ITGA9: variants seen among roughly 807,000 people sequenced by gnomAD.
ITGA9 encodes the protein integrin subunit alpha 9.
ITGA9 carries 56 observed loss-of-function variants against 127.8 expected under a neutral mutation model. The ratio of observed to expected loss-of-function variants is 0.44; its 90% CI spans 0.35 to 0.55. The LOEUF (loss-of-function observed/expected upper bound fraction) is 0.55, where lower values mean the gene tolerates loss of function less well. Ranked by LOEUF, ITGA9 falls within the 20% of genes least tolerant of loss-of-function variation. ITGA9 has a pLI of 0.00. For synonymous variants in ITGA9, 508 were observed against 514.5 expected (o/e 0.99, Z 0.17); for missense variants, 1,196 against 1,347.1 (o/e 0.89, Z 1.76).
chr3:37,757,841 C>T (rs1162088160), intron 23 of ITGA9, among the ~76,000 whole-genome samples: 1 of 151,636 alleles, frequency 6.6e-6, no homozygotes, highest in African/African-American at 2.4e-5. Context: ...AGTAGGCTTT[C>T]AAGGAATGGA....
intron 3 of ITGA9, among the ~76,000 whole-genome samples, chr3:37,475,422 A>C (rs746874029): frequency 4.6e-5 from 7 of 152,352 alleles, no homozygotes; most frequent in Non-Finnish European, 1.0e-4. Flanking sequence ...CAGAGGGGCA[A>C]GACAGAATTC....
chr3:37,637,962 C>T lies in ITGA9; in HGVS notation c.1839+8626C>T, dbSNP rs573626196. Among the ~76,000 whole-genome samples the T allele has an allele frequency of 1.7e-4, 26 of 152,264 alleles. No individual in the cohort carries two copies. The South Asian group carries it at 5.2e-3, about 30-fold the overall frequency. The stretch of plus-strand genomic sequence containing the variant: ...TGTTGGGATTACAGGTGTGAGCCAC[C>T]GTGCCCGGCCAGCAATCCGTGTTTT... On this transcript the variant is annotated intron_variant, in intron 16 of 27. Transcript: ENST00000264741.
intron 17 of ITGA9, among the ~76,000 whole-genome samples, chr3:37,659,127 A>G (rs146002225): frequency 2.5e-3 from 373 of 152,042 alleles, no homozygotes; most frequent in African/African-American, 8.4e-3. Context: ...CTTCATTTCA[A>G]CCTTGGTGAA....
chr3:37,552,374 T>C (rs1011721481), intron 15 of ITGA9, among the ~76,000 whole-genome samples: 5 of 143,598 alleles, frequency 3.5e-5, no homozygotes, highest in Non-Finnish European at 1.5e-5. Context: ...TACCAGCAAA[T>C]TATTATTTAT....
Position 37,750,617 on chromosome 3 carries a change from C to G in ITGA9, c.2541+48C>G, listed in dbSNP as rs1487655341. On this transcript the variant is annotated intron_variant, in intron 23 of 27. Coordinates refer to ENST00000264741, the MANE Select transcript of ITGA9 (RefSeq NM_002207.3). Reference sequence around the variant, plus strand: ...CTATTGCTTTCAGCTTTGAGCCAGCCCATTCAAATTTTGTATTCCACCCTA... The same window carrying G: ...CTATTGCTTTCAGCTTTGAGCCAGCGCATTCAAATTTTGTATTCCACCCTA... The G allele has an allele frequency of 4.4e-6, 6 of 1,368,542 alleles. No homozygotes were observed. In the Admixed American group the frequency reaches 1.0e-4, roughly 23 times the overall value. The allele number at this position is 1,368,542 out of a possible 1,614,324, so 84.8% of individuals were successfully genotyped here. A position where few individuals can be genotyped will look rare whatever the true frequency, so the allele number is the denominator to read the frequency against.
At chr3:37,630,295 C>CCT (rs1460773322) in intron 16 of ITGA9, among the ~76,000 whole-genome samples, 7 of 152,098 alleles carry the variant, frequency 4.6e-5, no homozygotes, top group Non-Finnish European at 5.9e-5. Flanking sequence ...TCTCCCAAAG[C>CCT]CTCTTTCCCA....
chr3:37,695,530 A>G (rs903874182), intron 18 of ITGA9, among the ~76,000 whole-genome samples: 1 of 152,214 alleles, frequency 6.6e-6, no homozygotes, highest in South Asian at 2.1e-4. Context: ...TGCCCGTGGA[A>G]TTTAACAGAG....
rs183157333 is a variant in ITGA9, at chr3:37,610,577, C to T, written c.1690-18610C>T. On this transcript the variant is annotated intron_variant, in intron 15 of 27. Coordinates refer to ENST00000264741, the MANE Select transcript of ITGA9 (RefSeq NM_002207.3). Reference sequence around the variant, plus strand: ...AGTATAGACTTAGTTTGTCTGAGCCCGAGGTTCAGTGTTTGGAGAAAAATA... The same window carrying T: ...AGTATAGACTTAGTTTGTCTGAGCCTGAGGTTCAGTGTTTGGAGAAAAATA... Among the ~76,000 whole-genome samples the T allele has an allele frequency of 2.7e-3, 408 of 152,204 alleles. 2 individuals are homozygous for T. The highest frequency in any genetic ancestry group is 3.6e-3 in the Non-Finnish European group (246 of 68,036).
At position 37,765,018 on chromosome 3, in the gene ITGA9, T is replaced by G. The variant is rs146748776; in HGVS notation, c.2542-12374T>G. On this transcript the variant is annotated intron_variant, in intron 23 of 27. Transcript: ENST00000264741. ...TATCATCAGTCTTCTTCCACCAGATTAAAAACACCATGAGAGTAAAGGGCA... is the reference window on the plus strand; with the variant it reads ...TATCATCAGTCTTCTTCCACCAGATGAAAAACACCATGAGAGTAAAGGGCA... Among the ~76,000 whole-genome samples, 1,485 of 152,306 alleles carry G rather than the reference T, an allele frequency of 9.8e-3. 15 individuals are homozygous for G. Among genetic ancestry groups the G allele is most frequent in the Non-Finnish European group, 0.016 (1,090 of 68,022 alleles).
chr3:37,452,440 C>A lies in ITGA9; in HGVS notation c.66C>A (p.Val22=). ...RLRALLLALV[V]AGIPAGAYNL... ...GCGCGCTGCTGCTGGCGCTGGTGGT[C>A]GCGGGGATCCCCGCGGGCGCCTACA... Residue 22 remains valine, a synonymous_variant, in exon 1 of 28, where the codon GTC becomes GTA. Transcript: ENST00000264741. This position sits in a 1 kb window ranked among gnomAD's most constrained non-coding sequence, Gnocchi z 7.3. 1 of 1,473,226 alleles carries A rather than the reference C, an allele frequency of 6.8e-7. No individual in the cohort carries two copies. The highest frequency in any genetic ancestry group is 1.3e-5 in the South Asian group (1 of 77,954). 91.3% of individuals were successfully genotyped at this position (1,473,226 alleles called of 1,614,324 possible).
chr3:37,699,986 TTTG>T (rs1700928261), intron 18 of ITGA9, among the ~76,000 whole-genome samples: 1 of 152,228 alleles, frequency 6.6e-6, no homozygotes, highest in Non-Finnish European at 1.5e-5. Context: ...ATACTATTTT[TTTG>T]TTTTGTTTTC....
At chr3:37,722,685 A>T (rs1272058525) in intron 18 of ITGA9, among the ~76,000 whole-genome samples, 1 of 152,200 alleles carries the variant, frequency 6.6e-6, no homozygotes, top group Non-Finnish European at 1.5e-5. Flanking sequence ...ATTCCATTGT[A>T]TGGATATACC....
At chr3:37,656,858 T>C (rs1347845201) in intron 17 of ITGA9, among the ~76,000 whole-genome samples, 2 of 152,066 alleles carry the variant, frequency 1.3e-5, no homozygotes, top group African/African-American at 4.8e-5. Flanking sequence ...TTTTGAGATA[T>C]GTTCCATCAA....
intron 27 of ITGA9, chr3:37,807,356 T>C (rs1697311481): frequency 6.6e-6 from 1 of 152,182 alleles, no homozygotes; most frequent in Non-Finnish European, 1.5e-5. Flanking sequence ...ACCTTTAGTG[T>C]GGTTTGAGTT....
intron 15 of ITGA9, among the ~76,000 whole-genome samples, chr3:37,624,736 A>G (rs922024282): frequency 6.6e-6 from 1 of 152,042 alleles, no homozygotes; most frequent in Admixed American, 6.5e-5. Flanking sequence ...CCTCCTGAGT[A>G]GCTGGGATTA....
intron 16 of ITGA9, among the ~76,000 whole-genome samples, 154 bp from the exon 17 acceptor site, chr3:37,653,560 C>A (rs958774374): frequency 1.3e-5 from 2 of 152,158 alleles, no homozygotes; most frequent in African/African-American, 4.8e-5. Context: ...GAACCCCTTC[C>A]CACGCTGGAG....
chr3:37,473,418 G>A lies in ITGA9; in HGVS notation c.378G>A (p.Gly126=), dbSNP rs1352197950. ...AAGACCGCGATGATGAGTGGATGGG[G>A]GTGAGCCTGGCCCGACAGCCCAAGG... ...CREDRDDEWM[G]VSLARQPKAD... Residue 126 remains glycine, a synonymous_variant, in exon 3 of 28, where the codon GGG becomes GGA. Transcript: ENST00000264741. The A allele has an allele frequency of 4.3e-6, 7 of 1,613,984 alleles. No homozygotes were observed. In the African/African-American group the frequency reaches 9.3e-5, roughly 22 times the overall value.
intron 23 of ITGA9, among the ~76,000 whole-genome samples, chr3:37,773,772 G>T (rs567203118): frequency 1.8e-4 from 28 of 152,266 alleles, no homozygotes; most frequent in African/African-American, 6.5e-4. Flanking sequence ...GCACCCTTTA[G>T]ATCTGTGGAT....
At chr3:37,462,712 C>T (rs944277846) in intron 1 of ITGA9, among the ~76,000 whole-genome samples, 4 of 152,210 alleles carry the variant, frequency 2.6e-5, no homozygotes, top group African/African-American at 9.6e-5. Context: ...AAAAGGGCTT[C>T]TTCGGAGGGC....
Sources: gnomAD v4.1 joint callset for allele counts (sites outside exome capture counted in the v4.1 genomes callset) on GRCh38, gnomAD v4.1.1 for gene constraint, Gnocchi (gnomAD v3.1) non-coding constraint, MANE v1.5 for transcripts, NCBI Gene and HGNC (gene_info 2026-07-23, HGNC 2026-07-21) for gene names.